WASL: variants seen among roughly 807,000 people sequenced by gnomAD.
The protein encoded by WASL is WASP like actin nucleation promoting factor.
A neutral mutation model predicts 55.5 loss-of-function variants in WASL; 20 were observed. The ratio of observed to expected loss-of-function variants is 0.36; its 90% CI spans 0.25 to 0.52. WASL has a LOEUF of 0.52. Among genes scored for constraint, WASL ranks in the 20% least tolerant of loss-of-function variants. WASL has a pLI of 0.92. For missense variants in WASL, 504 were observed against 622.5 expected (o/e 0.81, Z 2.03); for synonymous variants, 249 against 217.6 (o/e 1.14, Z -1.27).
intron 1 of WASL, among the ~76,000 whole-genome samples, chr7:123,744,022 T>C (rs1182296468): frequency 6.6e-6 from 1 of 152,210 alleles, no homozygotes; most frequent in African/African-American, 2.4e-5. Context: ...CTTTTATCTT[T>C]CCTTACTACT....
intron 9 of WASL, among the ~76,000 whole-genome samples, chr7:123,691,402 ACTAT>A (rs1803405804): frequency 6.6e-6 from 1 of 152,190 alleles, no homozygotes; most frequent in South Asian, 2.1e-4. Flanking sequence ...TTTTTTTAAA[ACTAT>A]CTAAAAATTA....
intron 10 of WASL, among the ~76,000 whole-genome samples, chr7:123,688,508 G>A (rs1293645968): frequency 1.3e-5 from 2 of 152,040 alleles, no homozygotes; most frequent in Non-Finnish European, 2.9e-5. Flanking sequence ...TTACAGGCAT[G>A]CGCCACCACG....
chr7:123,702,107 T>A (rs1339510724), intron 5 of WASL, among the ~76,000 whole-genome samples: 1 of 151,982 alleles, frequency 6.6e-6, no homozygotes, highest in Non-Finnish European at 1.5e-5. Flanking sequence ...CAGGCTGGAG[T>A]GCAATGGTGT....
intron 5 of WASL, among the ~76,000 whole-genome samples, chr7:123,700,359 A>C (rs1803567786): frequency 6.6e-6 from 1 of 152,100 alleles, no homozygotes; most frequent in African/African-American, 2.4e-5. Context: ...TGATCTTTAT[A>C]AAGTCATATG....
intron 1 of WASL, among the ~76,000 whole-genome samples, chr7:123,714,336 G>T (rs1342417745): frequency 6.6e-6 from 1 of 151,910 alleles, no homozygotes; most frequent in African/African-American, 2.4e-5. Context: ...TCTACAATGA[G>T]AAATAACCAG....
At chr7:123,701,501 A>G (rs1360163876) in intron 5 of WASL, among the ~76,000 whole-genome samples, 5 of 152,256 alleles carry the variant, frequency 3.3e-5, no homozygotes, top group Admixed American at 6.5e-5. Context: ...CATATATGCT[A>G]AAATGTGAGA....
At position 123,682,787 on chromosome 7, in the gene WASL, A is replaced by G. The variant is rs1015814284; in HGVS notation, c.*1732T>C. The G allele has an allele frequency of 6.6e-6, 1 of 152,146 alleles. No homozygotes were observed. The highest frequency in any genetic ancestry group is 2.4e-5 in the African/African-American group (1 of 41,448). 9.4% of individuals were successfully genotyped at this position (152,146 alleles called of 1,614,324 possible). On this transcript the variant is annotated 3_prime_UTR_variant, in exon 11 of 11. Transcript: ENST00000223023. ...CCAGATTGACTGAGCTCAAGCCACA[A>G]TAAAAATGATAGTAAGTAGAAAAAG... is the stretch of plus-strand genomic sequence containing the variant.
In WASL at chr7:123,684,472, G is replaced by T; in HGVS notation, c.*47C>A. 1.9e-6 allele frequency: 1 copy of T among 534,976 alleles called. No homozygotes were observed. Among genetic ancestry groups the T allele is most frequent in the Non-Finnish European group, 3.2e-6 (1 of 311,812 alleles). 33.1% of individuals were successfully genotyped at this position (534,976 alleles called of 1,614,324 possible). On this transcript the variant is annotated 3_prime_UTR_variant, in exon 11 of 11. Transcript: ENST00000223023. ...ACAGAATCCACAGACAGAAAGTAGT[G>T]TTTAGTATTTCACCTTAAAAATATA...
intron 1 of WASL, among the ~76,000 whole-genome samples, chr7:123,728,635 T>C (rs1430556317): frequency 6.6e-6 from 1 of 151,578 alleles, no homozygotes; most frequent in Non-Finnish European, 1.5e-5. Context: ...AGGTCAGGAG[T>C]TCAAGACCAG....
intron 9 of WASL, among the ~76,000 whole-genome samples, chr7:123,692,060 T>G (rs1422086716): frequency 6.6e-6 from 1 of 152,152 alleles, no homozygotes; most frequent in Non-Finnish European, 1.5e-5. Context: ...AGTGATTGTT[T>G]ATGGAAAAAT....
intron 10 of WASL, among the ~76,000 whole-genome samples, chr7:123,686,064 T>C (rs550045515): frequency 6.0e-5 from 9 of 151,144 alleles, no homozygotes; most frequent in African/African-American, 1.9e-4. Flanking sequence ...GTAAAATTGA[T>C]TGTGTGAAGG....
At chr7:123,727,304 T>C (rs1804062616) in intron 1 of WASL, among the ~76,000 whole-genome samples, 1 of 150,614 alleles carries the variant, frequency 6.6e-6, no homozygotes. Context: ...ATCTTTCCAG[T>C]GACAATGTAA....
intron 2 of WASL, among the ~76,000 whole-genome samples, chr7:123,707,448 G>C (rs906913479): frequency 2.6e-5 from 4 of 152,284 alleles, no homozygotes; most frequent in African/African-American, 9.6e-5. Flanking sequence ...CTATGGATAA[G>C]AGTGCCATGA....
intron 4 of WASL, among the ~76,000 whole-genome samples, chr7:123,704,966 T>C (rs561319655): frequency 9.2e-5 from 14 of 152,296 alleles, no homozygotes; most frequent in African/African-American, 3.1e-4. Flanking sequence ...CCACAGGCCA[T>C]GGTTAAGGAC....
chr7:123,684,588 A>C lies in WASL; in HGVS notation c.1457-8T>G, dbSNP rs2116760433. ...CTTCATCTTCATCTTCATCTACAAGAAAATCAAGACAATTAAAACATATGC... is the reference window on the plus strand; with the variant it reads ...CTTCATCTTCATCTTCATCTACAAGCAAATCAAGACAATTAAAACATATGC... On this transcript the variant is annotated splice_polypyrimidine_tract_variant and splice_region_variant and intron_variant, in intron 10 of 10. Transcript: ENST00000223023. The C allele has an allele frequency of 6.7e-7, 1 of 1,501,908 alleles. No individual in the cohort carries two copies. The highest frequency in any genetic ancestry group is 9.0e-7 in the Non-Finnish European group (1 of 1,114,462). The allele number at this position is 1,501,908 out of a possible 1,614,324, so 93.0% of individuals were successfully genotyped here.
rs544846187 is a variant in WASL, at chr7:123,694,699, T to C, written c.826+16A>G. The C allele has an allele frequency of 2.5e-5, 41 of 1,611,272 alleles. No homozygotes were observed. Among genetic ancestry groups the C allele is most frequent in the Middle Eastern group, 3.3e-4 (2 of 6,070 alleles). Reference sequence around the variant, plus strand: ...GATTAAAACAAAACAGAACGCTGAATAGAGATAAAAGTTACCTTGCCTCCG... The same window carrying C: ...GATTAAAACAAAACAGAACGCTGAACAGAGATAAAAGTTACCTTGCCTCCG... On this transcript the variant is annotated intron_variant, in intron 8 of 10. Transcript: ENST00000223023.
chr7:123,732,776 T>C (rs143931771), intron 1 of WASL, among the ~76,000 whole-genome samples: 8 of 151,992 alleles, frequency 5.3e-5, no homozygotes, highest in African/African-American at 1.4e-4. Flanking sequence ...TGAACAAAGA[T>C]GGAAAAAAAA....
At chr7:123,727,353 T>TCGCACACACACACACACACA (rs1554406247) in intron 1 of WASL, among the ~76,000 whole-genome samples, 24 of 147,818 alleles carry the variant, frequency 1.6e-4, no homozygotes, top group Admixed American at 7.4e-4. Flanking sequence ...AAAATATGTG[T>TCGCACACACACACACACACA]CACACACACA....
chr7:123,696,805 T>C (rs1803500648), intron 5 of WASL, 58 bp from the exon 6 acceptor site: 2 of 1,161,268 alleles, frequency 1.7e-6, no homozygotes, highest in South Asian at 5.4e-5. Flanking sequence ...TGATATACAA[T>C]CATAATTTAC....
Sources: gnomAD v4.1 joint callset for allele counts (sites outside exome capture counted in the v4.1 genomes callset) on GRCh38, gnomAD v4.1.1 for gene constraint, MANE v1.5 for transcripts, NCBI Gene and HGNC (gene_info 2026-07-23, HGNC 2026-07-21) for gene names.